The following TMEM221 variants were observed in gnomAD, a reference collection of about 807,000 sequenced individuals.
TMEM221 encodes the protein transmembrane protein 221, also known as Putative transmembrane protein ENSP00000342162.
A neutral mutation model predicts 10.2 loss-of-function variants in TMEM221; 11 were observed. The observed-to-expected ratio is 1.08, with a 90% CI of 0.68 to 1.79. TMEM221 has a LOEUF of 1.79. Ranked by LOEUF, TMEM221 falls within the 40% of genes most tolerant of loss-of-function variation. The pLI is 0.00. For synonymous variants in TMEM221, 172 were observed against 199.8 expected, an observed-to-expected ratio of 0.86 and a Z score of 1.18; for missense variants, 382 against 417.7, an observed-to-expected ratio of 0.91 and a Z score of 0.75.
chr19:17,445,449 C>G (rs780065568), intron 1 of TMEM221, among the ~76,000 whole-genome samples, 165 bp from the exon 2 acceptor site: 2 of 152,114 alleles, frequency 1.3e-5, no homozygotes, highest in Non-Finnish European at 2.9e-5. Flanking sequence ...ACTTGCCCAC[C>G]CATTTACATC....
Position 17,436,885 on chromosome 19 carries a change from C to T in TMEM221, c.449G>A (p.Gly150Asp). The change falls in exon 3 of 3, where the codon GGC becomes GAC. Residue 150 changes from glycine (G) to aspartate (D), a missense_variant. By Grantham distance (94) the Gly-to-Asp change is moderately conservative. Transcript: ENST00000341130. ...YALLLFEIET[G>D]AAAASILGSG... ...GCCGAGGATGGAAGCAGCTGCTGCGCCTGTCTCGATCTCGAAAAGTAGCAA... is the reference window on the plus strand; with the variant it reads ...GCCGAGGATGGAAGCAGCTGCTGCGTCTGTCTCGATCTCGAAAAGTAGCAA... The T allele has an allele frequency of 7.0e-7, 1 of 1,437,556 alleles. No homozygotes were observed. Among genetic ancestry groups the T allele is most frequent in the Non-Finnish European group, 9.1e-7 (1 of 1,097,906 alleles). The allele number at this position is 1,437,556 out of a possible 1,614,324, so 89.1% of individuals were successfully genotyped here.
chr19:17,447,416 C>A (rs554460219), intron 1 of TMEM221, among the ~76,000 whole-genome samples: 1 of 152,124 alleles, frequency 6.6e-6, no homozygotes, highest in Non-Finnish European at 1.5e-5. Flanking sequence ...AGATCCATTC[C>A]CCTGCAGGCA....
chr19:17,448,241 C>G lies in TMEM221; in HGVS notation c.222G>C (p.Leu74=), dbSNP rs1041422807. 3.0e-6 allele frequency: 4 copies of G among 1,315,960 alleles called. No individual in the cohort carries two copies. The highest frequency in any genetic ancestry group is 3.9e-6 in the Non-Finnish European group (4 of 1,033,424). The allele number at this position is 1,315,960 out of a possible 1,614,324, so 81.5% of individuals were successfully genotyped here. Residue 74 remains leucine (L), a synonymous_variant, in exon 1 of 3, where the codon CTG becomes CTC. Coordinates refer to ENST00000341130, the MANE Select transcript of TMEM221 (RefSeq NM_001190844.2). The surrounding 1 kb of genome is among the most constrained non-coding windows in gnomAD (Gnocchi z 4.7). Reference sequence around the variant, plus strand: ...ACCCCAGCACGAGCACCAGCGCGGCCAGCGCGGCGGCCAGCGGCAGCAGCG... The same window carrying G: ...ACCCCAGCACGAGCACCAGCGCGGCGAGCGCGGCGGCCAGCGGCAGCAGCG... The part of the protein sequence containing the change: ...AGTLLPLAAA[L]AALVLVLGFT...
chr19:17,436,754 C>T lies in TMEM221; in HGVS notation c.580G>A (p.Asp194Asn), dbSNP rs990835413. ...HELSPPSFED[D>N]LARPAEVSKA... is the part of the protein sequence containing the mutation. ...GAGACTTCGGCAGGGCGGGCGAGGT[C>T]GTCTTCAAAGGATGGCGGGGACAAC... The change falls in exon 3 of 3, where the codon GAC (aspartate) becomes AAC (asparagine). Residue 194 changes from aspartate to asparagine, a missense_variant. Coordinates refer to ENST00000341130, the MANE Select transcript of TMEM221 (RefSeq NM_001190844.2). 40 of 1,522,166 alleles carry T rather than the reference C, an allele frequency of 2.6e-5. No individual in the cohort carries two copies. The highest frequency in any genetic ancestry group is 3.4e-4 in the Middle Eastern group (2 of 5,952). 94.3% of individuals were successfully genotyped at this position (1,522,166 alleles called of 1,614,324 possible). A position where few individuals can be genotyped will look rare whatever the true frequency, so the allele number is the denominator to read the frequency against.
At chr19:17,445,545 T>C (rs1336981718) in intron 1 of TMEM221, among the ~76,000 whole-genome samples, 1 of 152,004 alleles carries the variant, frequency 6.6e-6, no homozygotes, top group Non-Finnish European at 1.5e-5. Flanking sequence ...TATCCACCCA[T>C]TTATCCATTC....
Position 17,435,513 on chromosome 19 carries a change from G to A in TMEM221, c.*945C>T, listed in dbSNP as rs936094008. 1 of 152,196 alleles carries A rather than the reference G, an allele frequency of 6.6e-6. No homozygotes were observed. Among genetic ancestry groups the A allele is most frequent in the Non-Finnish European group, 1.5e-5 (1 of 68,066 alleles). The allele number at this position is 152,196 out of a possible 1,614,324, so 9.4% of individuals were successfully genotyped here. On this transcript the variant is annotated 3_prime_UTR_variant, in exon 3 of 3. Transcript: ENST00000341130. Reference sequence around the variant, plus strand: ...GAACATTGAGTAACACACAGATAGTGAATATCAGAGTTTACTTGTGGGTTG... The same window carrying A: ...GAACATTGAGTAACACACAGATAGTAAATATCAGAGTTTACTTGTGGGTTG...
chr19:17,443,098 G>A (rs1448267269), intron 2 of TMEM221, among the ~76,000 whole-genome samples: 2 of 151,510 alleles, frequency 1.3e-5, no homozygotes, highest in African/African-American at 2.4e-5. Context: ...TGGCTAACAC[G>A]GTGAAACCCC....
intron 2 of TMEM221, among the ~76,000 whole-genome samples, chr19:17,443,362 G>T (rs2074939548): frequency 6.6e-6 from 1 of 151,492 alleles, no homozygotes; most frequent in Non-Finnish European, 1.5e-5. Context: ...GTTTCAGTCT[G>T]TCACCCAGGC....
chr19:17,438,086 ATT>A (rs71162128), intron 2 of TMEM221, among the ~76,000 whole-genome samples: 34,604 of 113,820 alleles, frequency 0.3, 5,224 homozygotes, highest in Middle Eastern at 0.42. Flanking sequence ...TGCCTGGCTA[ATT>A]TTTTTTTTTT....
At chr19:17,443,851 C>CT (rs2074941483) in intron 2 of TMEM221, among the ~76,000 whole-genome samples, 1 of 152,012 alleles carries the variant, frequency 6.6e-6, no homozygotes, top group South Asian at 2.1e-4. Flanking sequence ...CGTTAGGAGT[C>CT]TCTTGAAAGA....
intron 2 of TMEM221, among the ~76,000 whole-genome samples, chr19:17,441,967 A>C (rs778402953): frequency 6.6e-6 from 1 of 152,132 alleles, no homozygotes; most frequent in East Asian, 1.9e-4. Flanking sequence ...CCTCAAAAAC[A>C]ATCTAAATGG....
rs1363654241 is a variant in TMEM221, at chr19:17,436,819, A to T, written c.515T>A (p.Leu172His). Residue 172 changes from leucine to histidine, a missense_variant, in exon 3 of 3, where the codon CTC becomes CAC. By Grantham distance (99) the Leu-to-His change is moderately conservative. Transcript: ENST00000341130. ...LVLVAVLTHT[L>H]LRAARAARRG... is the part of the protein sequence containing the mutation. ...GCGGGCAGCCCGGGCAGCCCGGAGG[A>T]GAGTGTGGGTCAGCACAGCCACCAG... 1 of 1,502,500 alleles carries T rather than the reference A, an allele frequency of 6.7e-7. No individual in the cohort carries two copies. Among genetic ancestry groups the T allele is most frequent in the Admixed American group, 2.1e-5 (1 of 47,630 alleles). 93.1% of individuals were successfully genotyped at this position (1,502,500 alleles called of 1,614,324 possible).
Position 17,448,280 on chromosome 19 carries a change from C to A in TMEM221, c.183G>T (p.Glu61Asp). ...GCGGCAGCAGCGTCCCGGCCGCGTC[C>A]TCTGGCAGCCCGGGGCCGGCGCCCA... is the stretch of plus-strand genomic sequence containing the variant. ...QELGAGPGLP[E>D]DAAGTLLPLA... The change falls in exon 1 of 3, where the codon GAG becomes GAT. Residue 61 changes from glutamate (E) to aspartate (D), a missense_variant. Glu to Asp is a conservative substitution (Grantham distance 45, BLOSUM62 2). Transcript: ENST00000341130. This position sits in a 1 kb window ranked among gnomAD's most constrained non-coding sequence, Gnocchi z 4.7. 8.1e-7 allele frequency: 1 copy of A among 1,227,482 alleles called. No homozygotes were observed. The highest frequency in any genetic ancestry group is 1.0e-6 in the Non-Finnish European group (1 of 985,166). 76.0% of individuals were successfully genotyped at this position (1,227,482 alleles called of 1,614,324 possible). A position where few individuals can be genotyped will look rare whatever the true frequency, so the allele number is the denominator to read the frequency against.
chr19:17,447,163 A>G lies in TMEM221; in HGVS notation c.320+980T>C, dbSNP rs186044651. On this transcript the variant is annotated intron_variant, in intron 1 of 2. Transcript: ENST00000341130. ...CTTGAACCCAAGAGGTGGAGGCTGC[A>G]GTGAACCGAGATAGCGCCACTGCAC... Among the ~76,000 whole-genome samples the G allele has an allele frequency of 3.0e-4, 45 of 151,774 alleles. No homozygotes were observed. In the East Asian group the frequency reaches 5.6e-3, roughly 19 times the overall value.
rs2074911485 is a variant in TMEM221, at chr19:17,436,836, A to G, written c.498T>C (p.Ala166=). ...ILGSGTLVLV[A]VLTHTLLRAA... The stretch of plus-strand genomic sequence containing the variant: ...CCCGGAGGAGAGTGTGGGTCAGCAC[A>G]GCCACCAGAACCAGGGTGCCCGAGC... The change falls in exon 3 of 3, where the codon GCT becomes GCC. Residue 166 remains alanine (A), a synonymous_variant. Coordinates refer to ENST00000341130, the MANE Select transcript of TMEM221 (RefSeq NM_001190844.2). 3 of 1,477,198 alleles carry G rather than the reference A, an allele frequency of 2.0e-6. No homozygotes were observed. Among genetic ancestry groups the G allele is most frequent in the Non-Finnish European group, 2.7e-6 (3 of 1,116,344 alleles). 91.5% of individuals were successfully genotyped at this position (1,477,198 alleles called of 1,614,324 possible).
In TMEM221 at chr19:17,448,582, A is replaced by T; in HGVS notation, c.-120T>A. ...TCCCCGAGGGGGCGGGGCCGCAGGGAGTGTCTGAAAGTTCGGGGACTGGGC... is the reference window on the plus strand; with the variant it reads ...TCCCCGAGGGGGCGGGGCCGCAGGGTGTGTCTGAAAGTTCGGGGACTGGGC... On this transcript the variant is annotated 5_prime_UTR_variant, in exon 1 of 3. Transcript: ENST00000341130. The surrounding 1 kb of genome is among the most constrained non-coding windows in gnomAD (Gnocchi z 4.7). 7.6e-6 allele frequency: 5 copies of T among 659,064 alleles called. No homozygotes were observed. The highest frequency in any genetic ancestry group is 4.1e-5 in the East Asian group (1 of 24,594). The allele number at this position is 659,064 out of a possible 1,614,324, so 40.8% of individuals were successfully genotyped here.
rs576327436 is a variant in TMEM221, at chr19:17,445,244, C to T, written c.361G>A (p.Val121Met). 2.9e-5 allele frequency: 44 copies of T among 1,535,880 alleles called. No individual in the cohort carries two copies. The highest frequency in any genetic ancestry group is 3.9e-5 in the Admixed American group (2 of 50,956). The change falls in exon 2 of 3, where the codon GTG becomes ATG. Residue 121 changes from valine to methionine, a missense_variant. Coordinates refer to ENST00000341130, the MANE Select transcript of TMEM221 (RefSeq NM_001190844.2). ...FLYDCRLLRHVALGLFCCGIS... is the reference protein window; with the variant it reads ...FLYDCRLLRHMALGLFCCGIS... ...CCACAGCAGAAAAGGCCAAGGGCCA[C>T]ATGTCTGAGGAGGCGGCAGTCGTAG...
intron 2 of TMEM221, among the ~76,000 whole-genome samples, chr19:17,443,288 A>T (rs36129609): frequency 0.34 from 51,889 of 150,790 alleles, 9,327 homozygotes; most frequent in South Asian, 0.4. Flanking sequence ...ATCAAAAAAA[A>T]TTTTTTTAAT....
chr19:17,448,136 C>G lies in TMEM221; in HGVS notation c.320+7G>C. 7.2e-7 allele frequency: 1 copy of G among 1,384,522 alleles called. No homozygotes were observed. The highest frequency in any genetic ancestry group is 1.5e-5 in the African/African-American group (1 of 65,786). The allele number at this position is 1,384,522 out of a possible 1,614,324, so 85.8% of individuals were successfully genotyped here. A position where few individuals can be genotyped will look rare whatever the true frequency, so the allele number is the denominator to read the frequency against. On this transcript the variant is annotated splice_region_variant and intron_variant, in intron 1 of 2. Transcript: ENST00000341130. The surrounding 1 kb of genome is among the most constrained non-coding windows in gnomAD (Gnocchi z 4.7). ...GGCCTCCGAGGCGGTGAGGCCAGTCCTCCTACCTCCTGGGGCCAGGCCCCC... is the reference window on the plus strand; with the variant it reads ...GGCCTCCGAGGCGGTGAGGCCAGTCGTCCTACCTCCTGGGGCCAGGCCCCC...
Sources: gnomAD v4.1 joint callset for allele counts (sites outside exome capture counted in the v4.1 genomes callset) on GRCh38, gnomAD v4.1.1 for gene constraint, Gnocchi (gnomAD v3.1) non-coding constraint, MANE v1.5 for transcripts, NCBI Gene and HGNC (gene_info 2026-07-23, HGNC 2026-07-21) for gene names.